Variants in MTUS2 observed in about 807,000 individuals in gnomAD.
MTUS2 encodes microtubule associated scaffold protein 2.
Under a neutral mutation model 114.1 loss-of-function variants are expected in MTUS2, and 40 were observed. That is an observed-to-expected ratio of 0.35 (90% CI 0.27 to 0.46). The LOEUF (loss-of-function observed/expected upper bound fraction) is 0.46, where lower values mean the gene tolerates loss of function less well. MTUS2 is among the 20% of genes least tolerant of loss of function. The pLI, the probability that MTUS2 is intolerant of heterozygous loss-of-function variation, is 1.00. For missense variants in MTUS2, 1,679 were observed against 1,705.4 expected (o/e 0.98, Z 0.27); for synonymous variants, 688 against 672.0 (o/e 1.02, Z -0.37).
chr13:29,232,561 C>T (rs1355412691), intron 5 of MTUS2, among the ~76,000 whole-genome samples: 1 of 152,136 alleles, frequency 6.6e-6, no homozygotes, highest in Non-Finnish European at 1.5e-5. Flanking sequence ...TATTTTTGAT[C>T]TGAAAAGTTG....
In MTUS2 at chr13:29,057,449, T is replaced by C. The variant is rs183843644; in HGVS notation, c.2446+23324T>C. Among the ~76,000 whole-genome samples the C allele has an allele frequency of 2.2e-3, 334 of 152,292 alleles. 5 individuals are homozygous for C. The highest frequency in any genetic ancestry group is 2.2e-3 in the Non-Finnish European group (152 of 67,980). On this transcript the variant is annotated intron_variant, in intron 4 of 15. Coordinates refer to ENST00000612955, the MANE Select transcript of MTUS2 (RefSeq NM_001033602.4). The stretch of plus-strand genomic sequence containing the variant: ...TTACCTAAGTCTCTTCATAGGTCTC[T>C]AAAAACTTGCTCTGTGAATCTGGAT...
At chr13:29,445,313 A>G (rs1878200224) in intron 9 of MTUS2, among the ~76,000 whole-genome samples, 1 of 152,006 alleles carries the variant, frequency 6.6e-6, no homozygotes, top group Non-Finnish European at 1.5e-5. Flanking sequence ...TTCAGTTCTG[A>G]CACTAAGGAC....
At chr13:29,481,558 G>A (rs981407389) in intron 10 of MTUS2, among the ~76,000 whole-genome samples, 30 of 152,096 alleles carry the variant, frequency 2.0e-4, no homozygotes, top group African/African-American at 6.3e-4. Context: ...GGTTAGTGTC[G>A]AGTGGCCTTC....
intron 2 of MTUS2, among the ~76,000 whole-genome samples, chr13:28,916,102 C>T (rs1044171403): frequency 1.1e-4 from 17 of 151,608 alleles, no homozygotes; most frequent in South Asian, 6.2e-4. Context: ...AAAATGAGTT[C>T]GCTGTAGGTG....
chr13:29,071,046 C>A (rs2138686997), intron 4 of MTUS2, among the ~76,000 whole-genome samples: 1 of 146,944 alleles, frequency 6.8e-6, no homozygotes, highest in South Asian at 2.3e-4. Flanking sequence ...ATTCTGTCGC[C>A]CAGGCTGGAG....
chr13:28,869,241 A>C (rs1410564661), intron 2 of MTUS2, among the ~76,000 whole-genome samples: 1 of 152,228 alleles, frequency 6.6e-6, no homozygotes, highest in Non-Finnish European at 1.5e-5. Flanking sequence ...CTTAAAGCTA[A>C]GTAATTAAAG....
intron 8 of MTUS2, among the ~76,000 whole-genome samples, chr13:29,409,861 A>G (rs1294459284): frequency 6.6e-6 from 1 of 150,428 alleles, no homozygotes; most frequent in African/African-American, 2.5e-5. Context: ...TTGTTGGACC[A>G]TTCTCCTAGG....
chr13:28,940,645 T>TAA (rs1566238882), intron 2 of MTUS2, among the ~76,000 whole-genome samples: 1 of 112,882 alleles, frequency 8.9e-6, no homozygotes, highest in Non-Finnish European at 1.8e-5. Context: ...TATTCGAATA[T>TAA]TAAAAAAAAC....
chr13:29,361,499 C>T (rs1474748882), intron 8 of MTUS2, among the ~76,000 whole-genome samples: 1 of 151,932 alleles, frequency 6.6e-6, no homozygotes, highest in Non-Finnish European at 1.5e-5. Flanking sequence ...TGAACATAAT[C>T]AGTGGCTTTT....
At position 29,015,521 on chromosome 13, in the gene MTUS2, C is replaced by T. The variant is rs7996240; in HGVS notation, c.-242-8936C>T. Reference sequence around the variant, plus strand: ...CTTGCAAATGAAACAAAAACCCATGCTGGAGCTTAAGAGTTCTGTATAAAG... The same window carrying T: ...CTTGCAAATGAAACAAAAACCCATGTTGGAGCTTAAGAGTTCTGTATAAAG... On this transcript the variant is annotated intron_variant, in intron 2 of 15. Transcript: ENST00000612955. Among the ~76,000 whole-genome samples, 913 of 152,274 alleles carry T rather than the reference C, an allele frequency of 6.0e-3. 14 individuals are homozygous for T. Among genetic ancestry groups the T allele is most frequent in the African/African-American group, 0.02 (843 of 41,552 alleles).
At chr13:29,218,118 C>A (rs1895754421) in intron 5 of MTUS2, among the ~76,000 whole-genome samples, 1 of 151,810 alleles carries the variant, frequency 6.6e-6, no homozygotes, top group African/African-American at 2.4e-5. Flanking sequence ...CCTTGTCCCT[C>A]CCCGCCAAAA....
Position 29,505,228 on chromosome 13 carries a change from A to T in MTUS2, c.*2022A>T. On this transcript the variant is annotated 3_prime_UTR_variant, in exon 16 of 16. Transcript: ENST00000612955. ...AATTCAGTTACAGCTTAGCTGTCCG[A>T]ATTAGGAACCGCTTACATAGCCGCA... The T allele has an allele frequency of 4.3e-6, 1 of 232,156 alleles. No homozygotes were observed. The highest frequency in any genetic ancestry group is 8.5e-6 in the Non-Finnish European group (1 of 117,082). 14.4% of individuals were successfully genotyped at this position (232,156 alleles called of 1,614,324 possible).
At chr13:29,095,691 G>A (rs1005498283) in intron 4 of MTUS2, among the ~76,000 whole-genome samples, 6 of 149,324 alleles carry the variant, frequency 4.0e-5, no homozygotes, top group Non-Finnish European at 7.4e-5. Flanking sequence ...CTTGGATTGT[G>A]TAGTATGTAT....
At chr13:29,342,195 G>T (rs1467783567) in intron 7 of MTUS2, among the ~76,000 whole-genome samples, 1 of 152,010 alleles carries the variant, frequency 6.6e-6, no homozygotes, top group African/African-American at 2.4e-5. Flanking sequence ...AAGAATGATG[G>T]TGGTATTTTG....
Position 29,359,480 on chromosome 13 carries a change from C to T in MTUS2, c.3117+7C>T. Reference sequence around the variant, plus strand: ...GCAGCATTTCTTTAGAAAGGTGAGGCCCCATTTCGTGAAGGTCCAAGGGCA... The same window carrying T: ...GCAGCATTTCTTTAGAAAGGTGAGGTCCCATTTCGTGAAGGTCCAAGGGCA... On this transcript the variant is annotated splice_region_variant and intron_variant, in intron 8 of 15. Transcript: ENST00000612955. 6.2e-7 allele frequency: 1 copy of T among 1,605,110 alleles called. No individual in the cohort carries two copies. Among genetic ancestry groups the T allele is most frequent in the Non-Finnish European group, 8.5e-7 (1 of 1,176,780 alleles).
At chr13:29,307,074 C>T (rs555724663) in intron 6 of MTUS2, 9 of 485,760 alleles carry the variant, frequency 1.9e-5, no homozygotes, top group African/African-American at 1.6e-4. Flanking sequence ...TGGAGTCCAC[C>T]AGCATCTTCA....
chr13:29,173,583 T>G (rs1008263399), intron 5 of MTUS2, among the ~76,000 whole-genome samples: 3 of 152,176 alleles, frequency 2.0e-5, no homozygotes, highest in Non-Finnish European at 2.9e-5. Flanking sequence ...TAGTACTGTG[T>G]TAAACATCTT....
rs146447819 is a variant in MTUS2, at chr13:28,930,092, GAT to G, written c.-243+90244_-243+90245del. On this transcript the variant is annotated intron_variant, in intron 2 of 15. Coordinates refer to ENST00000612955, the MANE Select transcript of MTUS2 (RefSeq NM_001033602.4). ...GTCATGAGACATCTCTTTTTTATGT[GAT>G]AACTTTTTCAAGAAAAAAATGTAGG... is the stretch of plus-strand genomic sequence containing the variant. Among the ~76,000 whole-genome samples, 1,129 of 152,074 alleles carry G rather than the reference GAT, an allele frequency of 7.4e-3. 18 individuals carry two copies. Among genetic ancestry groups the G allele is most frequent in the African/African-American group, 0.025 (1,053 of 41,474 alleles).
intron 5 of MTUS2, among the ~76,000 whole-genome samples, chr13:29,280,564 A>G (rs1898228002): frequency 6.6e-6 from 1 of 151,500 alleles, no homozygotes; most frequent in South Asian, 2.1e-4. Context: ...TTTTAATAAT[A>G]TTATCATTTT....
Sources: allele counts gnomAD v4.1 joint callset (sites outside exome capture counted in the v4.1 genomes callset), GRCh38; gene constraint gnomAD v4.1.1; transcripts MANE v1.5; gene names NCBI Gene and HGNC (gene_info 2026-07-23, HGNC 2026-07-21).